Variants in HS3ST5 observed in about 807,000 individuals in gnomAD.
HS3ST5 encodes heparan sulfate glucosamine 3-O-sulfotransferase 5.
In HS3ST5, 10 loss-of-function variants were observed where a neutral mutation model predicts 25.4. That is an observed-to-expected ratio of 0.39 (90% CI 0.24 to 0.67). The LOEUF is 0.67. Among genes scored for constraint, HS3ST5 ranks in the 30% least tolerant of loss-of-function variants. The pLI is 0.44. For synonymous variants in HS3ST5, 170 were observed against 162.4 expected (o/e 1.05, Z -0.36); for missense variants, 324 against 420.7 (o/e 0.77, Z 2.01).
At chr6:114,338,201 G>A (rs1452288630) in intron 1 of HS3ST5, among the ~76,000 whole-genome samples, 5 of 151,690 alleles carry the variant, frequency 3.3e-5, no homozygotes, top group Non-Finnish European at 7.4e-5. Flanking sequence ...ATGGCACAAA[G>A]GGATTCTATT....
intron 1 of HS3ST5, among the ~76,000 whole-genome samples, chr6:114,273,062 C>T (rs918004123): frequency 3.3e-5 from 5 of 152,016 alleles, no homozygotes; most frequent in Admixed American, 1.3e-4. Context: ...AAGGATCATG[C>T]TGGCTGTGTT....
At chr6:114,225,065 A>T (rs995118035) in intron 2 of HS3ST5, among the ~76,000 whole-genome samples, 2 of 151,392 alleles carry the variant, frequency 1.3e-5, no homozygotes, top group Non-Finnish European at 3.0e-5. Flanking sequence ...AGGTCATAAA[A>T]CCTTTGGTAC....
intron 1 of HS3ST5, among the ~76,000 whole-genome samples, chr6:114,261,063 G>A (rs954310134): frequency 2.0e-5 from 3 of 152,136 alleles, no homozygotes; most frequent in Non-Finnish European, 2.9e-5. Flanking sequence ...GCAACTCATC[G>A]AGTATGACAG....
At chr6:114,300,789 T>C (rs1775040571) in intron 1 of HS3ST5, among the ~76,000 whole-genome samples, 1 of 152,204 alleles carries the variant, frequency 6.6e-6, no homozygotes, top group Non-Finnish European at 1.5e-5. Flanking sequence ...AAAGATGGTA[T>C]ATTCATACAA....
At chr6:114,192,269 TTGA>T (rs1780539442) in intron 2 of HS3ST5, among the ~76,000 whole-genome samples, 2 of 152,312 alleles carry the variant, frequency 1.3e-5, no homozygotes, top group South Asian at 4.1e-4. Context: ...TCTAAGTAAC[TTGA>T]TGATGGTTGA....
At chr6:114,085,207 G>C (rs150154614) in intron 3 of HS3ST5, among the ~76,000 whole-genome samples, 93 of 152,164 alleles carry the variant, frequency 6.1e-4, no homozygotes, top group Admixed American at 2.2e-3. Flanking sequence ...TTACTGTTTT[G>C]TGATACTTCA....
chr6:114,326,503 C>A (rs1218790547), intron 1 of HS3ST5, among the ~76,000 whole-genome samples: 3 of 152,220 alleles, frequency 2.0e-5, no homozygotes, highest in South Asian at 2.1e-4. Flanking sequence ...AATATTTGAA[C>A]CTTTATTCCT....
intron 1 of HS3ST5, among the ~76,000 whole-genome samples, chr6:114,300,534 AC>A (rs1159262113): frequency 8.5e-5 from 13 of 152,182 alleles, no homozygotes; most frequent in Non-Finnish European, 1.5e-5. Context: ...AGAAATTTGA[AC>A]CCTCATACAT....
intron 3 of HS3ST5, among the ~76,000 whole-genome samples, chr6:114,104,204 A>G (rs1336648354): frequency 6.6e-6 from 1 of 152,198 alleles, no homozygotes; most frequent in Non-Finnish European, 1.5e-5. Flanking sequence ...TCTGAGTGGT[A>G]TATTTGTAAA....
At chr6:114,319,367 G>A (rs1233196980) in intron 1 of HS3ST5, among the ~76,000 whole-genome samples, 5 of 152,054 alleles carry the variant, frequency 3.3e-5, no homozygotes, top group African/African-American at 1.2e-4. Context: ...TTATCTTGAA[G>A]TTTTTGGTAA....
intron 1 of HS3ST5, among the ~76,000 whole-genome samples, chr6:114,246,891 G>A (rs1582755044): frequency 1.3e-5 from 2 of 152,046 alleles, no homozygotes; most frequent in African/African-American, 2.4e-5. Context: ...ACAAAACAAA[G>A]AAACAAACAG....
chr6:114,120,753 T>A (rs1334891634), intron 3 of HS3ST5, among the ~76,000 whole-genome samples: 1 of 152,158 alleles, frequency 6.6e-6, no homozygotes, highest in East Asian at 1.9e-4. Flanking sequence ...AATAACAAAA[T>A]CCTCTCTAAA....
At chr6:114,150,234 T>G (rs1226251300) in intron 3 of HS3ST5, among the ~76,000 whole-genome samples, 4 of 152,244 alleles carry the variant, frequency 2.6e-5, no homozygotes, top group Non-Finnish European at 5.9e-5. Flanking sequence ...TAATCTGTAC[T>G]GTTATTTGTG....
At chr6:114,165,937 T>C (rs1008023099) in intron 3 of HS3ST5, among the ~76,000 whole-genome samples, 2 of 152,044 alleles carry the variant, frequency 1.3e-5, no homozygotes, top group Non-Finnish European at 2.9e-5. Context: ...ATCCAGCTAC[T>C]TGGGAGGCTG....
chr6:114,163,704 T>C (rs1219955300), intron 3 of HS3ST5, among the ~76,000 whole-genome samples: 1 of 152,188 alleles, frequency 6.6e-6, no homozygotes, highest in Non-Finnish European at 1.5e-5. Context: ...TTAAGGTCTC[T>C]AAGGCAGCTA....
At chr6:114,233,530 A>C (rs1459571009) in intron 1 of HS3ST5, among the ~76,000 whole-genome samples, 1 of 152,174 alleles carries the variant, frequency 6.6e-6, no homozygotes, top group Non-Finnish European at 1.5e-5. Flanking sequence ...CAGATTAACT[A>C]TAAAGAAGCT....
chr6:114,334,609 G>A (rs796435222), intron 1 of HS3ST5, among the ~76,000 whole-genome samples: 7 of 152,042 alleles, frequency 4.6e-5, no homozygotes, highest in Non-Finnish European at 7.4e-5. Context: ...ATTGTATTAC[G>A]ACTGCTTACA....
chr6:114,159,402 A>G (rs1314407436), intron 3 of HS3ST5, among the ~76,000 whole-genome samples: 12 of 152,352 alleles, frequency 7.9e-5, no homozygotes, highest in Admixed American at 4.6e-4. Flanking sequence ...GTACTGTGCG[A>G]CAATGAGAAC....
intron 3 of HS3ST5, among the ~76,000 whole-genome samples, chr6:114,163,438 G>A (rs1242673709): frequency 2.0e-5 from 3 of 152,066 alleles, no homozygotes; most frequent in Non-Finnish European, 4.4e-5. Context: ...GTAGTCCAGA[G>A]TCTTTATTGT....
Sources: gnomAD v4.1 joint callset for allele counts (sites outside exome capture counted in the v4.1 genomes callset) on GRCh38, gnomAD v4.1.1 for gene constraint, MANE v1.5 for transcripts, NCBI Gene and HGNC (gene_info 2026-07-23, HGNC 2026-07-21) for gene names.